STXBP2: variants seen among roughly 807,000 people sequenced by gnomAD.
STXBP2 encodes the protein syntaxin-binding protein 2.
Under a neutral mutation model 72.2 loss-of-function variants are expected in STXBP2, and 47 were observed. That is an observed-to-expected ratio of 0.65 (90% CI 0.51 to 0.83). The LOEUF is 0.83. Among genes scored for constraint, STXBP2 ranks in the 40% least tolerant of loss-of-function variants. The pLI, the probability that STXBP2 is intolerant of heterozygous loss-of-function variation, is 0.00. For synonymous variants in STXBP2, 367 were observed against 338.7 expected (o/e 1.08, Z -0.92); for missense variants, 702 against 807.6 (o/e 0.87, Z 1.58).
chr19:7,634,377 C>G (rs989528993), upstream of STXBP2, among the ~76,000 whole-genome samples: 8 of 152,206 alleles, frequency 5.3e-5, no homozygotes, highest in Non-Finnish European at 7.3e-5. Context: ...CTATCACCAC[C>G]TCTGCCCGAG....
At chr19:7,631,410 G>GTCCCGGCTCT in the STXBP2 span, 1 of 821,210 alleles carries the variant, frequency 1.2e-6, no homozygotes, top group Non-Finnish European at 1.8e-6. Context: ...GGGGGGGGGT[G>GTCCCGGCTCT]GTCCCGGCTC....
Position 7,641,862 on chromosome 19 carries a change from C to T in STXBP2, c.578+9C>T, listed in dbSNP as rs755913665. 1.3e-6 allele frequency: 2 copies of T among 1,552,356 alleles called. No individual in the cohort carries two copies. Among genetic ancestry groups the T allele is most frequent in the East Asian group, 2.4e-5 (1 of 41,040 alleles). ...GCCATCCGCTACCGCAAGTGGGGAC[C>T]CCACCCAGCCCCACCCCGATGCCGA... is the stretch of plus-strand genomic sequence containing the variant. On this transcript the variant is annotated intron_variant, in intron 7 of 18. Transcript: ENST00000221283.
At chr19:7,647,032 C>A in intron 16 of STXBP2, 130 bp from the exon 17 acceptor site, 4 of 918,996 alleles carry the variant, frequency 4.4e-6, no homozygotes, top group Non-Finnish European at 6.7e-6. Flanking sequence ...CTGGGTCCCC[C>A]AGAGGCAGGA....
rs575879463 is a variant in STXBP2, at chr19:7,647,654, G to A, written c.1697-71G>A. ...GGACAGGGACAGCCCCACACCAGCCGGGACCGGGAGCCTGTCAAAGACGAA... is the reference window on the plus strand; with the variant it reads ...GGACAGGGACAGCCCCACACCAGCCAGGACCGGGAGCCTGTCAAAGACGAA... On this transcript the variant is annotated intron_variant, in intron 18 of 18. Coordinates refer to ENST00000221283, the MANE Select transcript of STXBP2 (RefSeq NM_006949.4). The A allele has an allele frequency of 8.0e-5, 129 of 1,602,804 alleles. 1 individual carries two copies. In the African/African-American group the frequency reaches 1.2e-3, roughly 15 times the overall value.
chr19:7,641,607 G>C, intron 6 of STXBP2, 98 bp from the exon 7 acceptor site: 1 of 1,517,472 alleles, frequency 6.6e-7, no homozygotes, highest in Non-Finnish European at 8.9e-7. Context: ...TCAGGGACCA[G>C]GGACGGCTCC....
chr19:7,638,806 G>C (rs1414185848), intron 2 of STXBP2, 31 bp downstream of exon 2: 1 of 1,613,814 alleles, frequency 6.2e-7, no homozygotes, highest in South Asian at 1.1e-5. Context: ...TGGGTACCCA[G>C]AGGCAGCTCA....
At chr19:7,646,186 G>A (rs1193126954) in intron 15 of STXBP2, 63 bp from the exon 16 acceptor site, 2 of 1,430,636 alleles carry the variant, frequency 1.4e-6, no homozygotes, top group Non-Finnish European at 1.9e-6. Flanking sequence ...ACCAGGCGCA[G>A]CCCCTCTGTG....
intron 4 of STXBP2, chr19:7,640,180 C>T (rs957121863): frequency 3.5e-5 from 16 of 459,420 alleles, no homozygotes; most frequent in Admixed American, 3.0e-4. Flanking sequence ...GTGCGTCTGT[C>T]TGTGTGCATG....
chr19:7,640,608 T>TATAC, intron 4 of STXBP2, 123 bp from the exon 5 acceptor site: 1 of 1,286,086 alleles, frequency 7.8e-7, no homozygotes, highest in Non-Finnish European at 1.1e-6. Context: ...CATTTGCACA[T>TATAC]ATACATGTCC....
upstream of STXBP2, chr19:7,632,750 T>G (rs1163001222): frequency 6.4e-7 from 1 of 1,566,268 alleles, no homozygotes; most frequent in Non-Finnish European, 8.6e-7. The surrounding 1 kb of genome is among the most constrained non-coding windows in gnomAD (Gnocchi z 5.2). Context: ...CGGCTTGCAG[T>G]GAACAGCGCT....
chr19:7,640,388 C>T (rs890519869), intron 4 of STXBP2: 3 of 560,134 alleles, frequency 5.4e-6, no homozygotes, highest in African/African-American at 4.1e-5. Context: ...GCATCAGTGT[C>T]TGCATGTGTG....
chr19:7,636,729 T>G (rs1334417061), upstream of STXBP2: 1 of 177,916 alleles, frequency 5.6e-6, no homozygotes, highest in Non-Finnish European at 1.2e-5. Context: ...CTCTAAACCC[T>G]GAAGTACAGA....
At chr19:7,632,429 G>A, upstream of STXBP2, 1 of 1,613,970 alleles carries the variant, frequency 6.2e-7, no homozygotes, top group African/African-American at 1.3e-5. The surrounding 1 kb of genome is among the most constrained non-coding windows in gnomAD (Gnocchi z 5.2). Flanking sequence ...GCAGGCTGCT[G>A]ACTGTCACAC....
Position 7,640,266 on chromosome 19 carries a change from G to A in STXBP2, c.246+459G>A, listed in dbSNP as rs375138822. On this transcript the variant is annotated intron_variant, in intron 4 of 18. Coordinates refer to ENST00000221283, the MANE Select transcript of STXBP2 (RefSeq NM_006949.4). ...TATCTGTGTGTGCATGTGTGTATGCGTGTATATGTATGTGCATCTGTGTGC... is the reference window on the plus strand; with the variant it reads ...TATCTGTGTGTGCATGTGTGTATGCATGTATATGTATGTGCATCTGTGTGC... 1,815 of 543,966 alleles carry A rather than the reference G, an allele frequency of 3.3e-3. 25 individuals carry two copies. Among genetic ancestry groups the A allele is most frequent in the African/African-American group, 0.028 (1,469 of 52,524 alleles). The allele number at this position is 543,966 out of a possible 1,614,324, so 33.7% of individuals were successfully genotyped here.
intron 3 of STXBP2, 177 bp from the exon 4 acceptor site, chr19:7,639,550 ACAAC>A: frequency 1.5e-6 from 1 of 663,898 alleles, no homozygotes; most frequent in Middle Eastern, 4.0e-4. Context: ...AGTTGGCTGC[ACAAC>A]CCCTGCAGAA....
chr19:7,630,168 C>T, the STXBP2 span: 29 of 459,486 alleles, frequency 6.3e-5, no homozygotes, highest in Non-Finnish European at 9.6e-5. Context: ...CTCTCGGGCT[C>T]GTGGTGGGTG....
chr19:7,644,046 G>C (rs75446015), intron 13 of STXBP2, among the ~76,000 whole-genome samples: 1 of 82,466 alleles, frequency 1.2e-5, no homozygotes, highest in African/African-American at 5.4e-5. Flanking sequence ...GAGGGGTGGA[G>C]CCTTGGAGAG....
In STXBP2 at chr19:7,647,381, C is replaced by G. The variant is rs1275266904; in HGVS notation, c.1566C>G (p.Asn522Lys). 1 of 1,613,536 alleles carries G rather than the reference C, an allele frequency of 6.2e-7. No homozygotes were observed. ...VSARFGHWHKNKAGIEARAGP... is the reference protein window; with the variant it reads ...VSARFGHWHKKKAGIEARAGP... ...CCCGCTTCGGTCACTGGCACAAGAA[C>G]AAGGCTGGCATAGAAGCCCGGGCGG... Residue 522 changes from asparagine (N) to lysine (K), a missense_variant, in exon 18 of 19, where the codon AAC becomes AAG. Asn to Lys is a moderately conservative substitution (Grantham distance 94, BLOSUM62 0). Transcript: ENST00000221283.
chr19:7,633,488 C>A (rs747881069), upstream of STXBP2: 7 of 1,560,726 alleles, frequency 4.5e-6, no homozygotes, highest in Non-Finnish European at 6.1e-6. Context: ...TTTCTGCTGG[C>A]CTCTGCCCCG....
Sources: gnomAD v4.1 joint callset for allele counts (sites outside exome capture counted in the v4.1 genomes callset) on GRCh38, gnomAD v4.1.1 for gene constraint, Gnocchi (gnomAD v3.1) non-coding constraint, MANE v1.5 for transcripts, NCBI Gene and HGNC (gene_info 2026-07-23, HGNC 2026-07-21) for gene names.